Variants in ZNF800 observed in about 807,000 individuals in gnomAD.
ZNF800 encodes the protein zinc finger protein 800.
Under a neutral mutation model 59.5 loss-of-function variants are expected in ZNF800, and 13 were observed. The observed-to-expected ratio is 0.22, with a 90% CI of 0.14 to 0.35. The LOEUF (loss-of-function observed/expected upper bound fraction) is 0.35, where lower values mean the gene tolerates loss of function less well. Among genes scored for constraint, ZNF800 ranks in the 10% least tolerant of loss-of-function variants. The pLI, the probability that ZNF800 is intolerant of heterozygous loss-of-function variation, is 1.00. For missense variants in ZNF800, 621 were observed against 783.7 expected (o/e 0.79, Z 2.48); for synonymous variants, 266 against 265.7 (o/e 1.00, Z -0.01).
downstream of ZNF800, among the ~76,000 whole-genome samples, chr7:127,344,882 T>C (rs1800029208): frequency 6.6e-6 from 1 of 151,796 alleles, no homozygotes; most frequent in South Asian, 2.1e-4. Context: ...AAAAATGAAA[T>C]AAAAAATAGA....
chr7:127,367,755 T>C (rs953297387), downstream of ZNF800, among the ~76,000 whole-genome samples: 2 of 152,186 alleles, frequency 1.3e-5, no homozygotes, highest in African/African-American at 4.8e-5. Context: ...TTAATACCAT[T>C]ATCAAATATT....
At chr7:127,383,725 CTTAG>C (rs776363768) in intron 3 of ZNF800, among the ~76,000 whole-genome samples, 126 of 152,280 alleles carry the variant, frequency 8.3e-4, no homozygotes, top group Admixed American at 5.4e-3. Context: ...ACTAAAATTT[CTTAG>C]TTACAGGATA....
At chr7:127,360,223 C>A (rs1486062481) in intron 1 of ZNF800, 5 of 152,114 alleles carry the variant, frequency 3.3e-5, no homozygotes, top group African/African-American at 1.2e-4. Context: ...CTAGAAATTG[C>A]AATCTGATAG....
In ZNF800 at chr7:127,353,545, C is replaced by A. The variant is rs1156611313; in HGVS notation, n.225-5502G>T. On this transcript the variant is annotated intron_variant and non_coding_transcript_variant, in intron 1 of 1. Coordinates refer to the ZNF800 transcript ENST00000485577. ...TAGTCTGATTAACTTTTTTTCCAAT[C>A]AACAATGGTTGGAGTCTAATAGTAT... Among the ~76,000 whole-genome samples the A allele has an allele frequency of 2.0e-5, 3 of 152,072 alleles. No individual in the cohort carries two copies. The East Asian group carries it at 5.8e-4, about 29-fold the overall frequency.
intron 4 of ZNF800, among the ~76,000 whole-genome samples, chr7:127,376,407 T>C (rs968900885): frequency 6.6e-6 from 1 of 151,908 alleles, no homozygotes. Flanking sequence ...GGTAGCCCAA[T>C]ATTGAATTTT....
In ZNF800 at chr7:127,377,382, A is replaced by G. The variant is rs1800818157; in HGVS notation, c.158-53T>C. On this transcript the variant is annotated intron_variant, in intron 3 of 5. Coordinates refer to ENST00000265827, the MANE Select transcript of ZNF800 (RefSeq NM_176814.5). This position sits in a 1 kb window ranked among gnomAD's most constrained non-coding sequence, Gnocchi z 4.7. ...AACACAAAAGGTAACTTTAACATGCACTTTTAAACTGGACAACCACTGTTG... is the reference window on the plus strand; with the variant it reads ...AACACAAAAGGTAACTTTAACATGCGCTTTTAAACTGGACAACCACTGTTG... The G allele has an allele frequency of 5.4e-6, 8 of 1,480,882 alleles. No homozygotes were observed. The highest frequency in any genetic ancestry group is 7.3e-6 in the Non-Finnish European group (8 of 1,090,014). 91.7% of individuals were successfully genotyped at this position (1,480,882 alleles called of 1,614,324 possible).
intron 3 of ZNF800, among the ~76,000 whole-genome samples, chr7:127,381,822 A>T (rs1232690509): frequency 2.0e-5 from 3 of 152,118 alleles, no homozygotes; most frequent in Non-Finnish European, 2.9e-5. Flanking sequence ...TCTCCTATGT[A>T]CCTCAGAAAA....
rs1276682723 is a variant in ZNF800 at position 127,377,907 on chromosome 7, T to C, written c.158-578A>G. On this transcript the variant is annotated intron_variant, in intron 3 of 5. Transcript: ENST00000265827. This position sits in a 1 kb window ranked among gnomAD's most constrained non-coding sequence, Gnocchi z 4.7. Reference sequence around the variant, plus strand: ...CTTCAGGTTCTGGGCCAACATGGGATTATGGCTATTTAGCGTGATTCTCTA... The same window carrying C: ...CTTCAGGTTCTGGGCCAACATGGGACTATGGCTATTTAGCGTGATTCTCTA... Among the ~76,000 whole-genome samples, 2 of 152,052 alleles carry C rather than the reference T, an allele frequency of 1.3e-5. No homozygotes were observed. Among genetic ancestry groups the C allele is most frequent in the African/African-American group, 4.8e-5 (2 of 41,436 alleles).
intron 1 of ZNF800, chr7:127,351,526 T>A (rs1244733380): frequency 6.6e-6 from 1 of 152,238 alleles, no homozygotes; most frequent in East Asian, 1.9e-4. Flanking sequence ...CTTAAAAGAA[T>A]AACTCACTTC....
At chr7:127,355,569 G>A (rs1246044971) in intron 1 of ZNF800, among the ~76,000 whole-genome samples, 1 of 152,038 alleles carries the variant, frequency 6.6e-6, no homozygotes, top group African/African-American at 2.4e-5. Flanking sequence ...TGAAGTCTAC[G>A]TAATAAGCAA....
downstream of ZNF800, among the ~76,000 whole-genome samples, chr7:127,344,558 G>A (rs186558911): frequency 1.3e-3 from 202 of 151,940 alleles, 1 homozygote; most frequent in African/African-American, 4.4e-3. Flanking sequence ...AAAAAATATA[G>A]CCAAAAATAT....
rs527466182 is a variant in ZNF800 at position 127,383,213 on chromosome 7, GAATT to G, written c.157+2843_157+2846del. ...TTTTATGAACTTCCAGCTTGCATAGGAATTAATACCTGGTCATAGACAGCCCAGT... is the reference window on the plus strand; with the variant it reads ...TTTTATGAACTTCCAGCTTGCATAGGAATACCTGGTCATAGACAGCCCAGT... On this transcript the variant is annotated intron_variant, in intron 3 of 5. Coordinates refer to ENST00000265827, the MANE Select transcript of ZNF800 (RefSeq NM_176814.5). Among the ~76,000 whole-genome samples the G allele has an allele frequency of 1.8e-3, 273 of 152,272 alleles. 1 individual carries two copies. The highest frequency in any genetic ancestry group is 2.4e-3 in the Non-Finnish European group (162 of 68,012).
chr7:127,385,810 A>C (rs1183689402), intron 3 of ZNF800, among the ~76,000 whole-genome samples: 4 of 152,064 alleles, frequency 2.6e-5, no homozygotes, highest in Non-Finnish European at 5.9e-5. Flanking sequence ...ACACCACATA[A>C]TATATTTATT....
intron 3 of ZNF800, among the ~76,000 whole-genome samples, chr7:127,385,693 G>T (rs1054434576): frequency 6.6e-6 from 1 of 152,026 alleles, no homozygotes; most frequent in Admixed American, 6.6e-5. Context: ...GTAATCTACT[G>T]TACCAAAGCT....
chr7:127,384,227 C>CTTTTTTTTTTTTTTTTTTTTTTTTT lies in ZNF800; in HGVS notation c.157+1808_157+1832dup, dbSNP rs577977623. 3.3e-4 allele frequency among the ~76,000 whole-genome samples: 21 copies of CTTTTTTTTTTTTTTTTTTTTTTTTT among 63,378 alleles called. 5 individuals carry two copies. The highest frequency in any genetic ancestry group is 1.4e-3 in the East Asian group (2 of 1,392). 41.6% of individuals were successfully genotyped at this position (63,378 alleles called of 152,430 possible). On this transcript the variant is annotated intron_variant, in intron 3 of 5. Transcript: ENST00000265827. ...CTTATGACTTAACTAATTCTAACTT[C>CTTTTTTTTTTTTTTTTTTTTTTTTT]TTTTTTTTTTTTTTTTTTTTTTTTT...
At chr7:127,350,256 T>A (rs1370084102) in intron 1 of ZNF800, 1 of 152,250 alleles carries the variant, frequency 6.6e-6, no homozygotes, top group East Asian at 1.9e-4. Flanking sequence ...TTCGTTTCAC[T>A]GCACTGGAAG....
chr7:127,377,344 A>G lies in ZNF800; in HGVS notation c.158-15T>C. The G allele has an allele frequency of 1.3e-6, 2 of 1,580,810 alleles. No homozygotes were observed. Among genetic ancestry groups the G allele is most frequent in the Non-Finnish European group, 1.7e-6 (2 of 1,164,298 alleles). On this transcript the variant is annotated splice_polypyrimidine_tract_variant and intron_variant, in intron 3 of 5. Transcript: ENST00000265827. The surrounding 1 kb of genome is among the most constrained non-coding windows in gnomAD (Gnocchi z 4.7). ...TTGTTTAGTTCCTGAGAGAAAAAAG[A>G]AAAGAAAAACTTAACACAAAAGGTA...
chr7:127,344,979 T>C (rs1234792748), downstream of ZNF800, among the ~76,000 whole-genome samples: 1 of 152,142 alleles, frequency 6.6e-6, no homozygotes, highest in Non-Finnish European at 1.5e-5. Context: ...TTTATCTAAA[T>C]AAAAAATGCA....
chr7:127,384,879 C>T (rs1801092431), intron 3 of ZNF800, among the ~76,000 whole-genome samples: 1 of 152,024 alleles, frequency 6.6e-6, no homozygotes, highest in Admixed American at 6.5e-5. Context: ...AATCAAACAA[C>T]AAAAAATCCC....
Sources: gnomAD v4.1 joint callset for allele counts (sites outside exome capture counted in the v4.1 genomes callset) on GRCh38, gnomAD v4.1.1 for gene constraint, Gnocchi (gnomAD v3.1) non-coding constraint, MANE v1.5 for transcripts, NCBI Gene and HGNC (gene_info 2026-07-23, HGNC 2026-07-21) for gene names.